Variants in ZDHHC15 observed in about 807,000 individuals in gnomAD.
ZDHHC15 encodes the protein zDHHC palmitoyltransferase 15, also known as palmitoyltransferase ZDHHC15.
Under a neutral mutation model 31.7 loss-of-function variants are expected in ZDHHC15, and 19 were observed. That is an observed-to-expected ratio of 0.60 (90% CI 0.42 to 0.88). The LOEUF (loss-of-function observed/expected upper bound fraction) is 0.88. Among genes scored for constraint, ZDHHC15 ranks in the 40% least tolerant of loss-of-function variants. The probability of loss-of-function intolerance (pLI) is 0.00; values close to 1 mark genes in which losing one functional copy is unlikely to be tolerated. For missense variants in ZDHHC15, 209 were observed against 251.2 expected (o/e 0.83, Z 1.14); for synonymous variants, 103 against 90.0 (o/e 1.14, Z -0.82).
chrX:75,429,082 C>T lies in ZDHHC15; in HGVS notation c.599G>A (p.Trp200Ter), dbSNP rs2083746861. 8.3e-7 allele frequency: 1 copy of T among 1,207,450 alleles called. No homozygotes were observed. The highest frequency in any genetic ancestry group is 1.1e-6 in the Non-Finnish European group (1 of 893,887). The change falls in exon 7 of 12, where the codon TGG becomes TAG. Residue 200 changes from tryptophan (W) to a stop codon, truncating the protein, a stop_gained. Transcript: ENST00000373367. LOFTEE classifies it high-confidence loss of function. ...TTCAGGATATTTTTAACTTACTCTC[C>T]AGTATTTGATGAAATAGCTGAAGAC... ...TTVFSYFIKY[W>*]RGELPSVRSK...
intron 3 of ZDHHC15, among the ~76,000 whole-genome samples, chrX:75,453,993 C>G (rs887170586): frequency 2.7e-5 from 3 of 111,650 alleles, no homozygotes; most frequent in Non-Finnish European, 5.6e-5. Flanking sequence ...CAGGGATGCC[C>G]TCTCTCACCA....
intron 3 of ZDHHC15, among the ~76,000 whole-genome samples, chrX:75,476,069 T>A (rs1170310613): frequency 9.0e-6 from 1 of 111,517 alleles, no homozygotes. Flanking sequence ...TGATTTTGTA[T>A]CCTGCAACTT....
intron 10 of ZDHHC15, among the ~76,000 whole-genome samples, chrX:75,383,585 G>A (rs1042019275): frequency 9.0e-6 from 1 of 110,530 alleles, no homozygotes; most frequent in Non-Finnish European, 1.9e-5. Context: ...ATCAACTCAC[G>A]GGAAATCATT....
chrX:75,491,768 C>A (rs886755803), intron 2 of ZDHHC15, among the ~76,000 whole-genome samples: 1 of 110,968 alleles, frequency 9.0e-6, no homozygotes, highest in Non-Finnish European at 1.9e-5. Flanking sequence ...ACCAGGCCTG[C>A]CCTAAAAGAG....
At chrX:75,494,552 C>A (rs1183920573) in intron 2 of ZDHHC15, among the ~76,000 whole-genome samples, 1 of 112,005 alleles carries the variant, frequency 8.9e-6, no homozygotes, top group African/African-American at 3.3e-5. Context: ...GCTACAGTAA[C>A]CAAAACAGCA....
chrX:75,482,694 A>G (rs2084709924), intron 2 of ZDHHC15, among the ~76,000 whole-genome samples: 1 of 111,533 alleles, frequency 9.0e-6, no homozygotes, highest in South Asian at 3.7e-4. Context: ...AGAGCTTTCT[A>G]GTACTCATGT....
chrX:75,467,029 G>A (rs2084417699), intron 3 of ZDHHC15, among the ~76,000 whole-genome samples: 1 of 111,335 alleles, frequency 9.0e-6, no homozygotes, highest in Admixed American at 9.6e-5. Flanking sequence ...TCCTGCACAT[G>A]TACCCCTGAA....
At chrX:75,470,784 T>C (rs1319175736) in intron 3 of ZDHHC15, among the ~76,000 whole-genome samples, 3 of 111,879 alleles carry the variant, frequency 2.7e-5, no homozygotes, top group Non-Finnish European at 5.6e-5. Context: ...ACTTAGCAGC[T>C]GGCAGAATCC....
intron 1 of ZDHHC15, among the ~76,000 whole-genome samples, chrX:75,515,833 C>T (rs1304754574): frequency 9.0e-6 from 1 of 111,721 alleles, no homozygotes; most frequent in Non-Finnish European, 1.9e-5. Context: ...ATTTAGAAAA[C>T]CCCATCATCT....
At chrX:75,514,149 C>T (rs2085319668) in intron 1 of ZDHHC15, among the ~76,000 whole-genome samples, 2 of 112,779 alleles carry the variant, frequency 1.8e-5, no homozygotes, top group Admixed American at 1.9e-4. Flanking sequence ...TGAAAAGGCA[C>T]TCACTGTAAC....
At chrX:75,474,783 C>T (rs866467572) in intron 3 of ZDHHC15, among the ~76,000 whole-genome samples, 39 of 110,358 alleles carry the variant, frequency 3.5e-4, no homozygotes, top group African/African-American at 1.2e-3. Context: ...GTTGGCCGGG[C>T]GCGGTGGCTC....
At chrX:75,402,989 A>G (rs2083373646) in intron 10 of ZDHHC15, among the ~76,000 whole-genome samples, 1 of 111,974 alleles carries the variant, frequency 8.9e-6, no homozygotes, top group Admixed American at 9.5e-5. Flanking sequence ...AAAATCCTCA[A>G]TAAAATATTT....
At chrX:75,455,525 A>T (rs2084204246) in intron 3 of ZDHHC15, among the ~76,000 whole-genome samples, 1 of 112,126 alleles carries the variant, frequency 8.9e-6, no homozygotes, top group African/African-American at 3.2e-5. Context: ...AATGGGATGT[A>T]ATTAAACTAA....
chrX:75,496,172 C>A (rs1342403347), intron 2 of ZDHHC15, among the ~76,000 whole-genome samples: 4 of 110,587 alleles, frequency 3.6e-5, no homozygotes, highest in East Asian at 2.8e-4. Context: ...ATATTCAATG[C>A]CAATGGAAAC....
intron 10 of ZDHHC15, among the ~76,000 whole-genome samples, chrX:75,411,170 T>C (rs2147819178): frequency 9.0e-6 from 1 of 110,653 alleles, no homozygotes; most frequent in African/African-American, 3.3e-5. Flanking sequence ...ACCTTGTGTT[T>C]GATAGATCAG....
At chrX:75,421,391 T>TATATATAATATATATATAATATATATATA (rs1569320588) in intron 9 of ZDHHC15, among the ~76,000 whole-genome samples, 38 of 1,881 alleles carry the variant, frequency 0.02, no homozygotes, top group African/African-American at 0.029. Flanking sequence ...TGTGTGTATA[T>TATATATAATATATATATAATATATATATA]ATATATATTA....
intron 2 of ZDHHC15, among the ~76,000 whole-genome samples, chrX:75,485,567 C>A (rs1222047381): frequency 9.0e-6 from 1 of 110,875 alleles, no homozygotes; most frequent in Non-Finnish European, 1.9e-5. Context: ...GTGGAGACTG[C>A]AAGGCATGTT....
At chrX:75,406,073 C>A (rs1355244376) in intron 10 of ZDHHC15, among the ~76,000 whole-genome samples, 1 of 111,331 alleles carries the variant, frequency 9.0e-6, no homozygotes. Context: ...TGCACAAACA[C>A]ATAGAAATTA....
intron 10 of ZDHHC15, among the ~76,000 whole-genome samples, chrX:75,409,068 T>C (rs1458744349): frequency 8.9e-6 from 1 of 111,962 alleles, no homozygotes; most frequent in Admixed American, 9.4e-5. Context: ...AAAATACCAA[T>C]GGCATTCTTC....
Sources: gnomAD v4.1 joint callset for allele counts (sites outside exome capture counted in the v4.1 genomes callset) on GRCh38, gnomAD v4.1.1 for gene constraint, MANE v1.5 for transcripts, NCBI Gene and HGNC (gene_info 2026-07-23, HGNC 2026-07-21) for gene names.